Variants in CNR2 observed in about 807,000 individuals in gnomAD.
CNR2 encodes the protein cannabinoid receptor 2 (macrophage).
For missense variants in CNR2, 379 were observed against 439.9 expected, an observed-to-expected ratio of 0.86 and a Z score of 1.24; for synonymous variants, 172 against 182.2, an observed-to-expected ratio of 0.94 and a Z score of 0.45.
chr1:23,902,791 G>A, intron 1 of CNR2: 3 of 1,405,364 alleles, frequency 2.1e-6, no homozygotes, highest in Non-Finnish European at 2.8e-6. Flanking sequence ...TGGGCTGCGC[G>A]GGCGCGGGCG....
rs997285715 is a variant in CNR2 at position 23,872,736 on chromosome 1, C to G, written c.*1799G>C. On this transcript the variant is annotated 3_prime_UTR_variant, in exon 2 of 2. Coordinates refer to ENST00000374472, the MANE Select transcript of CNR2 (RefSeq NM_001841.3). ...AAGTGAAATAAGGCATTTAAAAACA[C>G]TTAGCCCCCTGCCTGGCACATAGTA... 1 of 152,212 alleles carries G rather than the reference C, an allele frequency of 6.6e-6. No individual in the cohort carries two copies. Among genetic ancestry groups the G allele is most frequent in the Admixed American group, 6.5e-5 (1 of 15,276 alleles). 9.4% of individuals were successfully genotyped at this position (152,212 alleles called of 1,614,324 possible). A position where few individuals can be genotyped will look rare whatever the true frequency, so the allele number is the denominator to read the frequency against.
intron 1 of CNR2, among the ~76,000 whole-genome samples, chr1:23,910,122 A>ATTTTTTTTT (rs34885370): frequency 8.3e-6 from 1 of 120,312 alleles, no homozygotes; most frequent in Non-Finnish European, 1.6e-5. Context: ...CTAATTTTTA[A>ATTTTTTTTT]TTTTTTTTTT....
chr1:23,904,550 A>C (rs1640456711), intron 1 of CNR2, among the ~76,000 whole-genome samples: 1 of 152,164 alleles, frequency 6.6e-6, no homozygotes, highest in South Asian at 2.1e-4. Flanking sequence ...AAATTATTTG[A>C]TGCTCTGTGA....
intron 1 of CNR2, among the ~76,000 whole-genome samples, chr1:23,910,648 C>T (rs1640567138): frequency 4.7e-5 from 2 of 42,996 alleles, no homozygotes; most frequent in East Asian, 1.3e-3. Context: ...GAGCAAAACG[C>T]TGTCTCAAAA....
In CNR2 at chr1:23,871,154, C is replaced by CAAAAA. The variant is rs34781596; in HGVS notation, c.*3376_*3380dup. On this transcript the variant is annotated 3_prime_UTR_variant, in exon 2 of 2. Transcript: ENST00000374472. ...TGGGTGACAGAGTGAGATTCTATGT[C>CAAAAA]AAAAAAAAAAAAAAAAAAAAAAAAA... The CAAAAA allele has an allele frequency of 1.4e-4, 8 of 58,792 alleles. No individual in the cohort carries two copies. The highest frequency in any genetic ancestry group is 2.7e-4 in the African/African-American group (4 of 14,700). 3.6% of individuals were successfully genotyped at this position (58,792 alleles called of 1,614,324 possible). A position where few individuals can be genotyped will look rare whatever the true frequency, so the allele number is the denominator to read the frequency against.
At chr1:23,891,480 G>A (rs1443418795) in intron 1 of CNR2, among the ~76,000 whole-genome samples, 5 of 151,898 alleles carry the variant, frequency 3.3e-5, no homozygotes, top group Non-Finnish European at 7.4e-5. Flanking sequence ...TTGGCCAAGT[G>A]TGGTGGTGGG....
intron 1 of CNR2, chr1:23,902,319 C>T: frequency 1.9e-6 from 3 of 1,550,752 alleles, no homozygotes; most frequent in African/African-American, 1.4e-5. Context: ...CTCCCAGCAG[C>T]GCTGGGTCAG....
In CNR2 at chr1:23,875,312, G is replaced by A; in HGVS notation, c.306C>T (p.Ser102=). The A allele has an allele frequency of 6.2e-7, 1 of 1,614,172 alleles. No individual in the cohort carries two copies. Among genetic ancestry groups the A allele is most frequent in the Non-Finnish European group, 8.5e-7 (1 of 1,180,038 alleles). The change falls in exon 2 of 2, where the codon TCC becomes TCT. Residue 102 remains serine (S), a synonymous_variant. Transcript: ENST00000374472. The part of the protein sequence containing the change: ...VNFHVFHGVD[S]KAVFLLKIGS... ...CAATCTTCAGCAGGAAGACAGCCTTGGAATCCACACCATGGAAAACATGGA... is the reference window on the plus strand; with the variant it reads ...CAATCTTCAGCAGGAAGACAGCCTTAGAATCCACACCATGGAAAACATGGA...
Position 23,870,649 on chromosome 1 carries a change from T to C in CNR2, c.*3886A>G, listed in dbSNP as rs916562220. 2.0e-5 allele frequency: 3 copies of C among 152,152 alleles called. No individual in the cohort carries two copies. Among genetic ancestry groups the C allele is most frequent in the Non-Finnish European group, 2.9e-5 (2 of 68,044 alleles). 9.4% of individuals were successfully genotyped at this position (152,152 alleles called of 1,614,324 possible). On this transcript the variant is annotated 3_prime_UTR_variant, in exon 2 of 2. Transcript: ENST00000374472. ...CAAAATGTGAACCTGCAGGGACAGGTGAGAGGCACTGATGTAGAGTGGACA... is the reference window on the plus strand; with the variant it reads ...CAAAATGTGAACCTGCAGGGACAGGCGAGAGGCACTGATGTAGAGTGGACA...
Position 23,875,668 on chromosome 1 carries a change from G to C in CNR2, c.-45-6C>G. On this transcript the variant is annotated splice_region_variant and splice_polypyrimidine_tract_variant and intron_variant, in intron 1 of 1. Transcript: ENST00000374472. ...AGCTTGTCTAGAAGGCTTTGCTGCA[G>C]TACAATGAGAAGAAGAAAATAATCT... is the stretch of plus-strand genomic sequence containing the variant. 1 of 1,527,268 alleles carries C rather than the reference G, an allele frequency of 6.5e-7. No individual in the cohort carries two copies. The highest frequency in any genetic ancestry group is 1.4e-5 in the African/African-American group (1 of 72,050). 94.6% of individuals were successfully genotyped at this position (1,527,268 alleles called of 1,614,324 possible).
chr1:23,901,897 A>G, intron 1 of CNR2: 2 of 1,607,380 alleles, frequency 1.2e-6, no homozygotes, highest in Non-Finnish European at 1.7e-6. Context: ...TGCGGTAGGC[A>G]GAAGACTGGA....
At chr1:23,894,629 C>T (rs1374913415) in intron 1 of CNR2, among the ~76,000 whole-genome samples, 1 of 103,398 alleles carries the variant, frequency 9.7e-6, no homozygotes, top group East Asian at 2.6e-4. Context: ...CCGTGAAACC[C>T]CATCTGTATT....
At chr1:23,903,656 C>T (rs1245997779) in intron 1 of CNR2, among the ~76,000 whole-genome samples, 5 of 151,958 alleles carry the variant, frequency 3.3e-5, no homozygotes, top group African/African-American at 1.2e-4. Flanking sequence ...CAAAAGTGCT[C>T]CTCATAGTAT....
At chr1:23,893,017 A>C (rs1013897159) in intron 1 of CNR2, among the ~76,000 whole-genome samples, 1 of 152,238 alleles carries the variant, frequency 6.6e-6, no homozygotes, top group African/African-American at 2.4e-5. Flanking sequence ...CTCTGTCTCA[A>C]AAAAATAAAA....
chr1:23,897,998 A>G (rs959786185), intron 1 of CNR2, among the ~76,000 whole-genome samples: 1 of 151,946 alleles, frequency 6.6e-6, no homozygotes, highest in Non-Finnish European at 1.5e-5. Flanking sequence ...TTGTTGTTCA[A>G]ATCCATACTA....
intron 1 of CNR2, among the ~76,000 whole-genome samples, chr1:23,886,441 G>A (rs988867899): frequency 2.6e-5 from 4 of 152,260 alleles, no homozygotes; most frequent in South Asian, 4.2e-4. Context: ...GCGTCCTGAC[G>A]TTGGCTTGTT....
intron 1 of CNR2, among the ~76,000 whole-genome samples, chr1:23,895,497 T>C (rs1640265090): frequency 6.6e-6 from 1 of 152,128 alleles, no homozygotes; most frequent in African/African-American, 2.4e-5. Context: ...AGCCAGGACC[T>C]GAGTCCTTTT....
At chr1:23,889,392 C>A (rs1363187281) in intron 1 of CNR2, among the ~76,000 whole-genome samples, 2 of 152,200 alleles carry the variant, frequency 1.3e-5, no homozygotes, top group Non-Finnish European at 2.9e-5. Flanking sequence ...TTATCCCCAA[C>A]TGGGAGTAGG....
chr1:23,907,551 C>T (rs9728437), intron 1 of CNR2, among the ~76,000 whole-genome samples: 134,834 of 151,924 alleles, frequency 0.89, 61,959 homozygotes, highest in East Asian at 1. Flanking sequence ...AGTGCAGTGG[C>T]GTGATCTCGG....
Sources: gnomAD v4.1 joint callset for allele counts (sites outside exome capture counted in the v4.1 genomes callset) on GRCh38, gnomAD v4.1.1 for gene constraint, MANE v1.5 for transcripts, NCBI Gene and HGNC (gene_info 2026-07-23, HGNC 2026-07-21) for gene names.